Variants in TACR1 observed in about 807,000 individuals in gnomAD.
TACR1 encodes the protein substance-P receptor.
Under a neutral mutation model 35.8 loss-of-function variants are expected in TACR1, and 25 were observed. That is an observed-to-expected ratio of 0.70 (90% CI 0.51 to 0.98). The LOEUF (loss-of-function observed/expected upper bound fraction) is 0.98. TACR1 is among the 50% of genes least tolerant of loss of function. The probability of loss-of-function intolerance (pLI) is 0.00; values close to 1 mark genes in which losing one functional copy is unlikely to be tolerated. For synonymous variants in TACR1, 195 were observed against 206.7 expected (o/e 0.94, Z 0.48); for missense variants, 478 against 522.9 (o/e 0.91, Z 0.84).
chr2:75,177,227 C>T (rs1045247908), intron 1 of TACR1, among the ~76,000 whole-genome samples: 1 of 152,030 alleles, frequency 6.6e-6, no homozygotes, highest in Non-Finnish European at 1.5e-5. Flanking sequence ...TTTCTTGACT[C>T]ATTTATTGCT....
chr2:75,127,753 C>T (rs1014285730), intron 1 of TACR1, among the ~76,000 whole-genome samples: 3 of 152,178 alleles, frequency 2.0e-5, no homozygotes, highest in Admixed American at 6.5e-5. Flanking sequence ...GCTCATGAGA[C>T]GAGGTGATTC....
intron 1 of TACR1, among the ~76,000 whole-genome samples, chr2:75,174,673 G>A (rs1249874926): frequency 1.3e-5 from 2 of 152,196 alleles, no homozygotes; most frequent in Non-Finnish European, 2.9e-5. Flanking sequence ...AGAGGAAGAG[G>A]TGTAATGTAA....
chr2:75,066,627 G>A (rs1391293504), intron 2 of TACR1, among the ~76,000 whole-genome samples: 1 of 152,170 alleles, frequency 6.6e-6, no homozygotes, highest in Admixed American at 6.5e-5. Context: ...TTCTTGTCTT[G>A]AACCCTGAGC....
intron 1 of TACR1, among the ~76,000 whole-genome samples, chr2:75,134,584 G>A (rs1332314838): frequency 6.6e-6 from 1 of 152,194 alleles, no homozygotes; most frequent in Non-Finnish European, 1.5e-5. Context: ...GACCTGAAAG[G>A]TTGAGCTGGC....
At position 75,053,699 on chromosome 2, in the gene TACR1, T is replaced by C. The variant is rs1232249282; in HGVS notation, c.641A>G (p.Tyr214Cys). ...TGTGATTCCCACTACGGTGTATGCA[T>C]AGCCAATCACCAGCAGGGGGAGGAA... ...IYFLPLLVIG[Y>C]AYTVVGITLW... The change falls in exon 3 of 5, where the codon TAT becomes TGT. Residue 214 changes from tyrosine (Y) to cysteine (C), a missense_variant. Transcript: ENST00000305249. 6.2e-7 allele frequency: 1 copy of C among 1,614,010 alleles called. No homozygotes were observed. Among genetic ancestry groups the C allele is most frequent in the Admixed American group, 1.7e-5 (1 of 60,022 alleles).
rs547018403 is a variant in TACR1, at chr2:75,176,724, T to C, written c.389+21822A>G. ...GCACCACCTGCCTCATCACAAGATG[T>C]CTCAGTGTCTAATGTCAAGTAGGAA... is the stretch of plus-strand genomic sequence containing the variant. On this transcript the variant is annotated intron_variant, in intron 1 of 4. Coordinates refer to ENST00000305249, the MANE Select transcript of TACR1 (RefSeq NM_001058.4). 4.6e-5 allele frequency among the ~76,000 whole-genome samples: 7 copies of C among 152,252 alleles called. No homozygotes were observed. In the South Asian group the frequency reaches 1.5e-3, roughly 32 times the overall value.
At chr2:75,076,282 A>C (rs1429091224) in intron 2 of TACR1, among the ~76,000 whole-genome samples, 1 of 152,186 alleles carries the variant, frequency 6.6e-6, no homozygotes, top group Non-Finnish European at 1.5e-5. Flanking sequence ...GGCGCTGTTT[A>C]CTCAGCATGT....
intron 2 of TACR1, among the ~76,000 whole-genome samples, chr2:75,077,730 T>C (rs1034420348): frequency 6.6e-6 from 1 of 152,190 alleles, no homozygotes; most frequent in Admixed American, 6.5e-5. Flanking sequence ...TGTCTTGTAC[T>C]TCAAATCTAC....
chr2:75,052,236 G>T (rs1672483556), intron 3 of TACR1, among the ~76,000 whole-genome samples: 1 of 152,030 alleles, frequency 6.6e-6, no homozygotes, highest in Non-Finnish European at 1.5e-5. Context: ...TATAAAATAG[G>T]CCTGAGAAAG....
rs762512950 is a variant in TACR1, at chr2:75,175,689, T to C, written c.389+22857A>G. On this transcript the variant is annotated intron_variant, in intron 1 of 4. Transcript: ENST00000305249. ...CACTGCGAGGCTGCTTGTGATTACA[T>C]TGAGCCCACCCAGAATGCCCAGGGA... is the stretch of plus-strand genomic sequence containing the variant. Among the ~76,000 whole-genome samples the C allele has an allele frequency of 3.9e-5, 6 of 152,254 alleles. 2 individuals are homozygous for C. Among genetic ancestry groups the C allele is most frequent in the Admixed American group, 3.3e-4 (5 of 15,286 alleles).
intron 1 of TACR1, among the ~76,000 whole-genome samples, chr2:75,160,379 T>C (rs1261699112): frequency 6.6e-6 from 1 of 152,190 alleles, no homozygotes; most frequent in African/African-American, 2.4e-5. Flanking sequence ...TTTGATTTAT[T>C]TGTTATGCAA....
chr2:75,113,532 C>CTTTTT (rs11437762), intron 2 of TACR1, among the ~76,000 whole-genome samples: 122 of 92,066 alleles, frequency 1.3e-3, no homozygotes, highest in Non-Finnish European at 2.0e-4. Flanking sequence ...TTTCTTCTTC[C>CTTTTT]TTTTTTTTTT....
chr2:75,143,090 G>C (rs1465257567), intron 1 of TACR1, among the ~76,000 whole-genome samples: 1 of 152,064 alleles, frequency 6.6e-6, no homozygotes, highest in Non-Finnish European at 1.5e-5. Flanking sequence ...TAACAAGGGA[G>C]GGAGGAAGGC....
intron 2 of TACR1, among the ~76,000 whole-genome samples, chr2:75,062,842 C>G (rs896614419): frequency 6.6e-6 from 1 of 152,204 alleles, no homozygotes; most frequent in Admixed American, 6.5e-5. Flanking sequence ...ACATGGTTCT[C>G]TACTTTAATT....
At chr2:75,170,546 G>A (rs190758820) in intron 1 of TACR1, among the ~76,000 whole-genome samples, 51 of 152,294 alleles carry the variant, frequency 3.3e-4, no homozygotes, top group Admixed American at 6.5e-4. Flanking sequence ...AACAGGCAGC[G>A]GTTGGAACAG....
At chr2:75,162,501 C>T (rs965631094) in intron 1 of TACR1, among the ~76,000 whole-genome samples, 2 of 152,128 alleles carry the variant, frequency 1.3e-5, no homozygotes, top group African/African-American at 4.8e-5. Context: ...GGAAAGAGAA[C>T]CTTGGGACTA....
chr2:75,117,319 C>A (rs1189696585), intron 2 of TACR1, among the ~76,000 whole-genome samples: 2 of 152,174 alleles, frequency 1.3e-5, no homozygotes, highest in Admixed American at 6.5e-5. Flanking sequence ...TGAAGGTCCA[C>A]CATACAGCCA....
At chr2:75,091,973 G>T (rs927650115) in intron 2 of TACR1, among the ~76,000 whole-genome samples, 1 of 152,212 alleles carries the variant, frequency 6.6e-6, no homozygotes, top group Non-Finnish European at 1.5e-5. Flanking sequence ...TAAGGACAAC[G>T]ATATCTATCT....
At chr2:75,093,091 C>T (rs985974722) in intron 2 of TACR1, among the ~76,000 whole-genome samples, 2 of 152,136 alleles carry the variant, frequency 1.3e-5, no homozygotes, top group African/African-American at 4.8e-5. Flanking sequence ...GAGAGTGGGA[C>T]CCCTTAAGAG....
Sources: allele counts gnomAD v4.1 joint callset (sites outside exome capture counted in the v4.1 genomes callset), GRCh38; gene constraint gnomAD v4.1.1; transcripts MANE v1.5; gene names NCBI Gene and HGNC (gene_info 2026-07-23, HGNC 2026-07-21).